STK3: variants seen among roughly 807,000 people sequenced by gnomAD.
STK3 encodes the protein serine/threonine-protein kinase 3.
In STK3, 41 loss-of-function variants were observed where a neutral mutation model predicts 58.0. The observed-to-expected ratio is 0.71, with a 90% confidence interval of 0.55 to 0.92. The LOEUF is 0.92. STK3 is among the 40% of genes least tolerant of loss of function. The pLI is 0.00. For synonymous variants in STK3, 170 were observed against 191.0 expected (o/e 0.89, Z 0.91); for missense variants, 479 against 602.7 (o/e 0.79, Z 2.15).
chr8:98,745,649 C>T (rs1829589878), intron 4 of STK3, among the ~76,000 whole-genome samples: 1 of 151,924 alleles, frequency 6.6e-6, no homozygotes, highest in South Asian at 2.1e-4. Context: ...GGAACAGAGG[C>T]CAAGAGGCTA....
chr8:98,486,405 G>C (rs1025528142), intron 10 of STK3, among the ~76,000 whole-genome samples: 10 of 152,196 alleles, frequency 6.6e-5, no homozygotes, highest in Non-Finnish European at 7.3e-5. Flanking sequence ...AGATCCAACA[G>C]AAACACAGAG....
chr8:98,637,764 T>C (rs922237906), intron 6 of STK3, among the ~76,000 whole-genome samples: 84 of 152,158 alleles, frequency 5.5e-4, no homozygotes, highest in African/African-American at 2.0e-3. Context: ...CAAATGAAAC[T>C]GATAATTTAG....
Position 98,527,888 on chromosome 8 carries a change from T to A in STK3, c.1142-971A>T, listed in dbSNP as rs539366532. On this transcript the variant is annotated intron_variant, in intron 9 of 10. Transcript: ENST00000419617. ...ATCTGAGGTGAGTTGCCAATTAATT[T>A]ACCAGTTCTAAAACTAAATTCAAGA... Among the ~76,000 whole-genome samples, 3 of 152,268 alleles carry A rather than the reference T, an allele frequency of 2.0e-5. No individual in the cohort carries two copies. The East Asian group carries it at 5.8e-4, about 29-fold the overall frequency.
At chr8:98,789,607 T>C (rs1490387970) in intron 1 of STK3, among the ~76,000 whole-genome samples, 1 of 152,068 alleles carries the variant, frequency 6.6e-6, no homozygotes, top group Non-Finnish European at 1.5e-5. Context: ...CAAAAGATCA[T>C]TCAAGGCTAC....
chr8:98,546,631 T>G (rs1440103427), intron 9 of STK3, among the ~76,000 whole-genome samples: 1 of 152,132 alleles, frequency 6.6e-6, no homozygotes, highest in Non-Finnish European at 1.5e-5. Context: ...ACCCCAACAC[T>G]AGCTGGTTCT....
At chr8:98,841,613 C>G (rs902053551) in intron 3 of STK3, among the ~76,000 whole-genome samples, 16 of 149,324 alleles carry the variant, frequency 1.1e-4, no homozygotes, top group African/African-American at 4.0e-4. Flanking sequence ...ATTGTTTGAG[C>G]CCAGGGGTTG....
intron 1 of STK3, among the ~76,000 whole-genome samples, chr8:98,938,110 G>A (rs937011728): frequency 2.6e-5 from 4 of 151,626 alleles, no homozygotes; most frequent in Non-Finnish European, 5.9e-5. Context: ...GTTTATATGC[G>A]TTTTCAGTGG....
chr8:98,771,587 CAG>C (rs1420508552), intron 2 of STK3, among the ~76,000 whole-genome samples: 1 of 150,418 alleles, frequency 6.6e-6, no homozygotes, highest in Admixed American at 6.6e-5. Context: ...TTTTTTGAGA[CAG>C]AGTCATGCTG....
At chr8:98,711,740 C>G (rs546101909) in intron 4 of STK3, among the ~76,000 whole-genome samples, 2 of 152,244 alleles carry the variant, frequency 1.3e-5, no homozygotes, top group East Asian at 1.9e-4. Flanking sequence ...ACTTCCTCAA[C>G]CTACCAAGGC....
chr8:98,349,600 A>G, the STK3 span, among the ~76,000 whole-genome samples: 3 of 152,206 alleles, frequency 2.0e-5, no homozygotes, highest in Admixed American at 2.0e-4. Flanking sequence ...AAGGTTCTCT[A>G]TGAATACCTC....
chr8:98,504,289 A>C (rs1823868529), intron 10 of STK3, among the ~76,000 whole-genome samples: 1 of 152,134 alleles, frequency 6.6e-6, no homozygotes, highest in African/African-American at 2.4e-5. Flanking sequence ...GTGTCTCTGC[A>C]TGTGAGATGG....
At chr8:98,885,895 A>T (rs925998344) in intron 1 of STK3, among the ~76,000 whole-genome samples, 4 of 152,230 alleles carry the variant, frequency 2.6e-5, no homozygotes, top group Non-Finnish European at 4.4e-5. Context: ...CACGTTATTG[A>T]TATGCACAAC....
intron 1 of STK3, among the ~76,000 whole-genome samples, chr8:98,897,872 T>C (rs1564090308): frequency 6.6e-6 from 1 of 152,216 alleles, no homozygotes; most frequent in South Asian, 2.1e-4. Flanking sequence ...TTCTAAAGCA[T>C]ACTGATATGA....
At chr8:98,587,272 C>G (rs538245828) in intron 7 of STK3, among the ~76,000 whole-genome samples, 41 of 152,000 alleles carry the variant, frequency 2.7e-4, no homozygotes, top group African/African-American at 9.4e-4. Flanking sequence ...GCTTTGAATG[C>G]GTCCCAGAGA....
intron 6 of STK3, among the ~76,000 whole-genome samples, chr8:98,684,323 A>G (rs1029300021): frequency 1.3e-5 from 2 of 152,158 alleles, no homozygotes; most frequent in Admixed American, 1.3e-4. Flanking sequence ...GTTCAGGCAC[A>G]GAAACAGTAA....
At chr8:98,369,347 A>C (rs1235426622), downstream of STK3, among the ~76,000 whole-genome samples, 1 of 152,190 alleles carries the variant, frequency 6.6e-6, no homozygotes, top group Non-Finnish European at 1.5e-5. Context: ...ACTATTAAGG[A>C]TCTTCTCCCC....
At position 98,579,671 on chromosome 8, in the gene STK3, T is replaced by G. The variant is rs1813700137; in HGVS notation, c.941A>C (p.Glu314Ala). 4 of 1,603,458 alleles carry G rather than the reference T, an allele frequency of 2.5e-6. No homozygotes were observed. The highest frequency in any genetic ancestry group is 3.4e-6 in the Non-Finnish European group (4 of 1,177,656). Reference protein sequence around the residue: ...EQQRELEEEEENSDEDELDSH... With the variant: ...EQQRELEEEEANSDEDELDSH... ...TTGAAGATAATTACAAACCGAATTTTCTTCTTCCTCTTCCAATTCTCGTTG... is the reference window on the plus strand; with the variant it reads ...TTGAAGATAATTACAAACCGAATTTGCTTCTTCCTCTTCCAATTCTCGTTG... Residue 314 changes from glutamate (E) to alanine (A), a missense_variant, in exon 8 of 11, where the codon GAA (glutamate) becomes GCA (alanine). Glu to Ala is a moderately radical substitution (Grantham distance 107, BLOSUM62 -1). Transcript: ENST00000419617.
chr8:98,389,661 A>C (rs146298664), upstream of STK3, among the ~76,000 whole-genome samples: 114 of 151,458 alleles, frequency 7.5e-4, no homozygotes, highest in East Asian at 0.02. Context: ...CAGCAAGCAT[A>C]CCTGTGGACA....
chr8:98,905,475 T>C, intron 1 of STK3: 1 of 1,238,728 alleles, frequency 8.1e-7, no homozygotes, highest in Non-Finnish European at 1.2e-6. Context: ...GGCTTCCACG[T>C]TGATGTTCAC....
Sources: gnomAD v4.1 joint callset for allele counts (sites outside exome capture counted in the v4.1 genomes callset) on GRCh38, gnomAD v4.1.1 for gene constraint, MANE v1.5 for transcripts, NCBI Gene and HGNC (gene_info 2026-07-23, HGNC 2026-07-21) for gene names.